Variants in JAG1 observed in about 807,000 individuals in gnomAD.
The protein encoded by JAG1 is jagged canonical Notch ligand 1, also known as protein jagged-1.
A neutral mutation model predicts 148.7 loss-of-function variants in JAG1; 23 were observed. That is an observed-to-expected ratio of 0.15 (90% CI 0.11 to 0.22). JAG1 has a LOEUF of 0.22. Among genes scored for constraint, JAG1 ranks in the 10% least tolerant of loss-of-function variants. JAG1 has a pLI of 1.00. For synonymous variants in JAG1, 572 were observed against 598.3 expected (o/e 0.96, Z 0.64); for missense variants, 1,054 against 1,611.2 (o/e 0.65, Z 5.92).
intron 2 of JAG1, among the ~76,000 whole-genome samples, chr20:10,670,944 T>TAGGTCACTTTTCC (rs1362936573): frequency 1.3e-5 from 2 of 152,260 alleles, no homozygotes; most frequent in Non-Finnish European, 2.9e-5. Flanking sequence ...CGCACTTTTC[T>TAGGTCACTTTTCC]AGGTCACTTT....
At chr20:10,656,929 A>G (rs2067383410) in intron 4 of JAG1, among the ~76,000 whole-genome samples, 1 of 151,362 alleles carries the variant, frequency 6.6e-6, no homozygotes, top group African/African-American at 2.4e-5. Flanking sequence ...TGAAAATTCC[A>G]TGGGACTAAC....
chr20:10,653,413 TACA>T (rs1320717077), intron 5 of JAG1, among the ~76,000 whole-genome samples: 4 of 149,914 alleles, frequency 2.7e-5, no homozygotes, highest in South Asian at 2.1e-4. Context: ...CAAAAACAAA[TACA>T]ACAACTTTCA....
rs765777417 is a variant in JAG1 at position 10,664,053 on chromosome 20, G to C, written c.388-39C>G. 8.9e-6 allele frequency: 14 copies of C among 1,576,734 alleles called. No homozygotes were observed. In the South Asian group the frequency reaches 1.6e-4, roughly 17 times the overall value. ...AAACAATTTAGCAATTCAGAAACAG[G>C]GTCGACTTTCCAAAATCTCGTACAT... On this transcript the variant is annotated intron_variant, in intron 2 of 25. Coordinates refer to ENST00000254958, the MANE Select transcript of JAG1 (RefSeq NM_000214.3).
intron 18 of JAG1, 95 bp from the exon 19 acceptor site, chr20:10,644,479 T>C: frequency 2.0e-6 from 2 of 983,990 alleles, no homozygotes; most frequent in South Asian, 2.7e-5. Context: ...AATACCCAAA[T>C]GATAAAGTCG....
rs780926066 is a variant in JAG1 at position 10,658,646 on chromosome 20, C to G, written c.516G>C (p.Gln172His). Reference sequence around the variant, plus strand: ...ACTCAAAGTGGGCAACGCCCGTGTTCTGCTTCAGCGTCTGCCACTGCCGGC... The same window carrying G: ...ACTCAAAGTGGGCAACGCCCGTGTTGTGCTTCAGCGTCTGCCACTGCCGGC... ...NPSRQWQTLK[Q>H]NTGVAHFEYQ... Residue 172 changes from glutamine to histidine, a missense_variant, in exon 4 of 26, where the codon CAG (glutamine) becomes CAC (histidine). Physicochemically the swap from Gln to His is conservative, Grantham distance 24 (BLOSUM62 0). This residue lies in a region of JAG1 where 104 missense variants were observed against 235.2 expected (regional missense o/e 0.44). Coordinates refer to ENST00000254958, the MANE Select transcript of JAG1 (RefSeq NM_000214.3). 6.2e-7 allele frequency: 1 copy of G among 1,614,246 alleles called. No individual in the cohort carries two copies. Among genetic ancestry groups the G allele is most frequent in the East Asian group, 2.2e-5 (1 of 44,890 alleles).
chr20:10,644,274 T>TCACA (rs1491263633), intron 19 of JAG1, 83 bp downstream of exon 19: 38 of 688,436 alleles, frequency 5.5e-5, no homozygotes, highest in African/African-American at 3.9e-4. Flanking sequence ...CCTGGGTGAT[T>TCACA]CTCACACACA....
intron 21 of JAG1, 82 bp from the exon 22 acceptor site, chr20:10,641,974 G>A (rs2122597632): frequency 1.1e-6 from 1 of 895,058 alleles, no homozygotes; most frequent in Non-Finnish European, 1.9e-6. Flanking sequence ...TTATGAAATG[G>A]TTATGCCTGT....
chr20:10,644,583 G>C (rs905294443), intron 18 of JAG1, 199 bp from the exon 19 acceptor site: 10 of 663,566 alleles, frequency 1.5e-5, no homozygotes, highest in Non-Finnish European at 2.7e-5. Context: ...CACAGGAAGA[G>C]GCCCTGGTAG....
At chr20:10,646,912 G>A (rs73896602) in intron 14 of JAG1, 27 bp downstream of exon 14, 1 of 1,611,352 alleles carries the variant, frequency 6.2e-7, no homozygotes, top group African/African-American at 1.3e-5. Flanking sequence ...GGGAGCACTG[G>A]TCCATTCCCG....
intron 2 of JAG1, 25 bp downstream of exon 2, chr20:10,672,676 G>T (rs1172861376): frequency 3.7e-6 from 6 of 1,609,688 alleles, no homozygotes; most frequent in East Asian, 4.5e-5. Context: ...GCTCCGCCCG[G>T]CCTCCTTCCC....
rs570587935 is a variant in JAG1 at position 10,644,802 on chromosome 20, C to T, written c.2344+61G>A. On this transcript the variant is annotated intron_variant, in intron 18 of 25. Transcript: ENST00000254958. ...TGCTTCTGGTTTCCATTGCAAGTCC[C>T]CAAGGGTGTCAGGATCTGCTCCGAC... is the stretch of plus-strand genomic sequence containing the variant. 14 of 1,199,018 alleles carry T rather than the reference C, an allele frequency of 1.2e-5. No individual in the cohort carries two copies. In the Admixed American group the frequency reaches 1.7e-4, roughly 14 times the overall value. The allele number at this position is 1,199,018 out of a possible 1,614,324, so 74.3% of individuals were successfully genotyped here.
In JAG1 at chr20:10,669,547, C is replaced by CAAAAAAAAAAAAAAAAAAAAAAAAA. The variant is rs56122797; in HGVS notation, c.387+3129_387+3153dup. 2.5e-4 allele frequency among the ~76,000 whole-genome samples: 11 copies of CAAAAAAAAAAAAAAAAAAAAAAAAA among 44,198 alleles called. 1 individual carries two copies. The highest frequency in any genetic ancestry group is 5.6e-4 in the Admixed American group (2 of 3,584). 29.0% of individuals were successfully genotyped at this position (44,198 alleles called of 152,430 possible). Reference sequence around the variant, plus strand: ...AAGAATCACGTTTCATTGGATTTTCCAAAAAAAAAAAAAAAAAAAAAAAAA... The same window carrying CAAAAAAAAAAAAAAAAAAAAAAAAA: ...AAGAATCACGTTTCATTGGATTTTCCAAAAAAAAAAAAAAAAAAAAAAAAAAAAAAAAAAAAAAAAAAAAAAAAAA... On this transcript the variant is annotated intron_variant, in intron 2 of 25. Transcript: ENST00000254958.
intron 5 of JAG1, among the ~76,000 whole-genome samples, chr20:10,654,764 G>C (rs1321518971): frequency 6.6e-6 from 1 of 152,222 alleles, no homozygotes; most frequent in Non-Finnish European, 1.5e-5. Flanking sequence ...TCTGGGCAGG[G>C]AGAGGGAGGT....
At chr20:10,665,136 C>A (rs1367911657) in intron 2 of JAG1, among the ~76,000 whole-genome samples, 1 of 152,058 alleles carries the variant, frequency 6.6e-6, no homozygotes, top group Non-Finnish European at 1.5e-5. Flanking sequence ...TGCTGTGCCA[C>A]CAGAAGCACA....
chr20:10,648,617 G>C lies in JAG1; in HGVS notation c.1501C>G (p.His501Asp). The change falls in exon 12 of 26, where the codon CAC (histidine) becomes GAC (aspartate). Residue 501 changes from histidine to aspartate, a missense_variant. His to Asp is a moderately conservative substitution (Grantham distance 81). Transcript: ENST00000254958. ...AATCTGTTGATTTCATTCTGACAGT[G>C]ACCCCCATTCAAACAGGGGTTGCTG... is the stretch of plus-strand genomic sequence containing the variant. ...CASNPCLNGG[H>D]CQNEINRFQC... The C allele has an allele frequency of 1.9e-6, 3 of 1,613,852 alleles. No individual in the cohort carries two copies. Among genetic ancestry groups the C allele is most frequent in the Non-Finnish European group, 2.5e-6 (3 of 1,179,732 alleles).
In JAG1 at chr20:10,645,078, G is replaced by A. The variant is rs1332853269; in HGVS notation, c.2227+65C>T. On this transcript the variant is annotated intron_variant, in intron 17 of 25. Coordinates refer to ENST00000254958, the MANE Select transcript of JAG1 (RefSeq NM_000214.3). This position sits in a 1 kb window ranked among gnomAD's most constrained non-coding sequence, Gnocchi z 6.1. ...CAGAGAAATATCATAAGCTCCAGGG[G>A]CCAACCAGCAGACACGCCCAGGTGG... is the stretch of plus-strand genomic sequence containing the variant. 1 of 1,519,822 alleles carries A rather than the reference G, an allele frequency of 6.6e-7. No individual in the cohort carries two copies. The highest frequency in any genetic ancestry group is 1.7e-5 in the Admixed American group (1 of 59,900). 94.1% of individuals were successfully genotyped at this position (1,519,822 alleles called of 1,614,324 possible).
intron 4 of JAG1, among the ~76,000 whole-genome samples, chr20:10,658,080 C>G (rs886677938): frequency 6.6e-6 from 1 of 152,094 alleles, no homozygotes; most frequent in African/African-American, 2.4e-5. Context: ...TCAGCCTAAT[C>G]CCAGGGTAAG....
intron 3 of JAG1, among the ~76,000 whole-genome samples, chr20:10,659,559 CTT>C (rs35826283): frequency 0.013 from 1,353 of 105,150 alleles, 178 homozygotes; most frequent in Admixed American, 0.039. Flanking sequence ...GATTAAGTTA[CTT>C]TTTTTTTTTT....
chr20:10,653,823 G>A (rs1236454571), intron 5 of JAG1, among the ~76,000 whole-genome samples: 1 of 152,146 alleles, frequency 6.6e-6, no homozygotes, highest in East Asian at 1.9e-4. Flanking sequence ...ACCCACGGCT[G>A]AGAGTCAACT....
Sources: allele counts gnomAD v4.1 joint callset (sites outside exome capture counted in the v4.1 genomes callset), GRCh38; gene constraint gnomAD v4.1.1; regional missense constraint gnomAD v4.1.1; non-coding constraint Gnocchi (gnomAD v3.1); transcripts MANE v1.5; gene names NCBI Gene and HGNC (gene_info 2026-07-23, HGNC 2026-07-21).